Variants in NEK7 observed in about 807,000 individuals in gnomAD.
NEK7 encodes the protein NIMA related kinase 7.
In NEK7, 18 loss-of-function variants were observed where a neutral mutation model predicts 44.6. The ratio of observed to expected loss-of-function variants is 0.40; its 90% CI spans 0.28 to 0.60. NEK7 has a LOEUF of 0.60. Ranked by LOEUF, NEK7 falls within the 20% of genes least tolerant of loss-of-function variation. The probability of loss-of-function intolerance (pLI) is 0.38; values close to 1 mark genes in which losing one functional copy is unlikely to be tolerated. For missense variants in NEK7, 256 were observed against 366.5 expected (o/e 0.70, Z 2.46); for synonymous variants, 130 against 121.1 (o/e 1.07, Z -0.48).
chr1:198,263,570 TA>T (rs1412263968), intron 4 of NEK7, among the ~76,000 whole-genome samples: 2 of 151,902 alleles, frequency 1.3e-5, no homozygotes, highest in Non-Finnish European at 2.9e-5. Flanking sequence ...TTCTACAAGG[TA>T]AAATTTTTCT....
intron 7 of NEK7, among the ~76,000 whole-genome samples, chr1:198,283,239 G>A (rs1654263286): frequency 6.6e-6 from 1 of 152,116 alleles, no homozygotes; most frequent in African/African-American, 2.4e-5. Context: ...TGTGATATGG[G>A]TTGAAGACAG....
intron 9 of NEK7, among the ~76,000 whole-genome samples, chr1:198,314,401 A>G (rs1655285567): frequency 6.6e-6 from 1 of 152,062 alleles, no homozygotes; most frequent in South Asian, 2.1e-4. Context: ...GCTCGGAGTA[A>G]TTTGATCGTC....
intron 7 of NEK7, among the ~76,000 whole-genome samples, chr1:198,281,679 C>A (rs16842669): frequency 0.023 from 3,484 of 152,074 alleles, 59 homozygotes; most frequent in African/African-American, 0.047. Context: ...GTTGAAAAAT[C>A]AAGATACGAT....
chr1:198,257,821 C>T (rs774833929), intron 3 of NEK7, among the ~76,000 whole-genome samples: 11 of 152,030 alleles, frequency 7.2e-5, no homozygotes, highest in Non-Finnish European at 1.0e-4. Context: ...CAGAAAATTT[C>T]CAGTTTTATG....
Position 198,262,607 on chromosome 1 carries a change from T to A in NEK7, c.231T>A (p.Ala77=). 1 of 1,596,382 alleles carries A rather than the reference T, an allele frequency of 6.3e-7. No homozygotes were observed. The highest frequency in any genetic ancestry group is 8.6e-7 in the Non-Finnish European group (1 of 1,168,166). The change falls in exon 4 of 10, where the codon GCT becomes GCA. Residue 77 remains alanine, a synonymous_variant. Transcript: ENST00000367385. The part of the protein sequence containing the change: ...IFDLMDAKAR[A]DCIKEIDLLK... ...ATTTAATGGATGCCAAAGCACGTGCTGATTGCATCAAAGAAATAGATCTTC... is the reference window on the plus strand; with the variant it reads ...ATTTAATGGATGCCAAAGCACGTGCAGATTGCATCAAAGAAATAGATCTTC...
intron 9 of NEK7, among the ~76,000 whole-genome samples, chr1:198,317,494 A>G (rs1344570015): frequency 6.6e-6 from 1 of 152,194 alleles, no homozygotes; most frequent in African/African-American, 2.4e-5. Context: ...GCATCATTAT[A>G]TCTCTAATCT....
chr1:198,253,252 C>G, intron 3 of NEK7, 72 bp downstream of exon 3: 1 of 1,007,000 alleles, frequency 9.9e-7, no homozygotes, highest in East Asian at 2.5e-5. Context: ...AAAGTATATC[C>G]TGAATGATTG....
intron 1 of NEK7, among the ~76,000 whole-genome samples, chr1:198,231,297 G>GTATATATATATATATATATA (rs1236094292): frequency 4.4e-5 from 4 of 90,206 alleles, no homozygotes; most frequent in Admixed American, 2.4e-4. Context: ...GTGTATGTGT[G>GTATATATATATATATATATA]TGTGTATATA....
At position 198,253,031 on chromosome 1, in the gene NEK7, T is replaced by TA. The variant is rs1435289561; in HGVS notation, c.58-7dup. On this transcript the variant is annotated splice_polypyrimidine_tract_variant and intron_variant, in intron 2 of 9. Coordinates refer to ENST00000367385, the MANE Select transcript of NEK7 (RefSeq NM_133494.3). ...TGATTGAAAATTTTTCTGACATTTTTAATTACAGAAGGCCTTACGACCGGA... is the reference window on the plus strand; with the variant it reads ...TGATTGAAAATTTTTCTGACATTTTTAAATTACAGAAGGCCTTACGACCGGA... 6.3e-7 allele frequency: 1 copy of TA among 1,594,994 alleles called. No individual in the cohort carries two copies. The highest frequency in any genetic ancestry group is 8.5e-7 in the Non-Finnish European group (1 of 1,171,732).
chr1:198,287,326 A>G (rs542938160), intron 7 of NEK7, among the ~76,000 whole-genome samples: 2 of 152,090 alleles, frequency 1.3e-5, no homozygotes, highest in East Asian at 3.9e-4. Flanking sequence ...CTAAAAATAC[A>G]AAAAAATAGC....
chr1:198,320,883 G>A lies in NEK7; in HGVS notation c.*1361G>A, dbSNP rs1193552041. On this transcript the variant is annotated 3_prime_UTR_variant, in exon 10 of 10. Coordinates refer to ENST00000367385, the MANE Select transcript of NEK7 (RefSeq NM_133494.3). ...GATGACTGAGATGGTAACACTTCGTGTAGCTTAAGGAAATGGGCAGAATTT... is the reference window on the plus strand; with the variant it reads ...GATGACTGAGATGGTAACACTTCGTATAGCTTAAGGAAATGGGCAGAATTT... 1.3e-5 allele frequency: 2 copies of A among 152,262 alleles called. No individual in the cohort carries two copies. The highest frequency in any genetic ancestry group is 2.9e-5 in the Non-Finnish European group (2 of 68,034). The allele number at this position is 152,262 out of a possible 1,614,324, so 9.4% of individuals were successfully genotyped here.
chr1:198,172,195 T>C (rs1365849843), intron 1 of NEK7, among the ~76,000 whole-genome samples: 1 of 152,148 alleles, frequency 6.6e-6, no homozygotes, highest in African/African-American at 2.4e-5. Flanking sequence ...GGCTGGGGTG[T>C]GGATTGGTGC....
chr1:198,265,089 T>C (rs1373758915), intron 5 of NEK7, among the ~76,000 whole-genome samples: 1 of 152,114 alleles, frequency 6.6e-6, no homozygotes, highest in East Asian at 1.9e-4. Context: ...ACCCAGCCTA[T>C]TTCTAGCTTA....
chr1:198,252,727 CATGT>C (rs1212695460), intron 2 of NEK7, among the ~76,000 whole-genome samples: 1 of 149,720 alleles, frequency 6.7e-6, no homozygotes, highest in Non-Finnish European at 1.5e-5. Context: ...TTTATTAAAA[CATGT>C]ATGTATGTTT....
At chr1:198,167,943 G>A (rs139441790) in intron 1 of NEK7, among the ~76,000 whole-genome samples, 1 of 152,230 alleles carries the variant, frequency 6.6e-6, no homozygotes, top group Non-Finnish European at 1.5e-5. Flanking sequence ...ACAAGCCTTT[G>A]CATTCAAGTG....
chr1:198,193,726 G>A (rs1665145136), intron 1 of NEK7, among the ~76,000 whole-genome samples: 1 of 152,034 alleles, frequency 6.6e-6, no homozygotes, highest in South Asian at 2.1e-4. Context: ...TGCAGAAAAG[G>A]CCTTTGATAA....
At chr1:198,216,838 G>A (rs1665934748) in intron 1 of NEK7, among the ~76,000 whole-genome samples, 1 of 151,618 alleles carries the variant, frequency 6.6e-6, no homozygotes, top group Admixed American at 6.6e-5. Flanking sequence ...AAAACATAGA[G>A]GAAATTGATA....
chr1:198,178,898 T>G (rs1371207642), intron 1 of NEK7, among the ~76,000 whole-genome samples: 3 of 151,964 alleles, frequency 2.0e-5, no homozygotes, highest in Non-Finnish European at 2.9e-5. Context: ...ATGGAAGAGA[T>G]CTAGCTATTT....
At chr1:198,161,740 C>A (rs1664112676) in intron 1 of NEK7, among the ~76,000 whole-genome samples, 1 of 152,108 alleles carries the variant, frequency 6.6e-6, no homozygotes, top group African/African-American at 2.4e-5. Flanking sequence ...TATCCTGTGA[C>A]ATTGAATGAA....
Sources: gnomAD v4.1 joint callset for allele counts (sites outside exome capture counted in the v4.1 genomes callset) on GRCh38, gnomAD v4.1.1 for gene constraint, MANE v1.5 for transcripts, NCBI Gene and HGNC (gene_info 2026-07-23, HGNC 2026-07-21) for gene names.